Variants in PRSS3 observed in about 807,000 individuals in gnomAD.
The protein encoded by PRSS3 is trypsin-3.
PRSS3 carries 14 observed loss-of-function variants against 20.8 expected under a neutral mutation model. That is an observed-to-expected ratio of 0.67 (90% CI 0.44 to 1.05). PRSS3 has a LOEUF of 1.05. Ranked by LOEUF, PRSS3 falls within the 50% of genes least tolerant of loss-of-function variation. PRSS3 has a pLI of 0.00. For missense variants in PRSS3, 237 were observed against 306.4 expected, an observed-to-expected ratio of 0.77 and a Z score of 1.69; for synonymous variants, 91 against 117.6, an observed-to-expected ratio of 0.77 and a Z score of 1.46.
chr9:33,785,583 A>G (rs544249094), intron 1 of PRSS3, among the ~76,000 whole-genome samples: 137 of 152,296 alleles, frequency 9.0e-4, no homozygotes, highest in Non-Finnish European at 1.4e-3. Flanking sequence ...AAGCAAAGAC[A>G]AAAAAATAGT....
At position 33,766,674 on chromosome 9, in the gene PRSS3, C is replaced by T. The variant is rs189273472; in HGVS notation, c.-53+15947C>T. On this transcript the variant is annotated intron_variant, in intron 1 of 5. Transcript: ENST00000342836. ...ACATTATGCTGAGGGAAAGAGGCTG[C>T]ATCTTGTATGATTTAATTTATATAA... is the stretch of plus-strand genomic sequence containing the variant. Among the ~76,000 whole-genome samples the T allele has an allele frequency of 2.5e-4, 38 of 152,002 alleles. No homozygotes were observed. The East Asian group carries it at 6.6e-3, about 26-fold the overall frequency.
chr9:33,762,314 T>C (rs1823242663), intron 1 of PRSS3, among the ~76,000 whole-genome samples: 2 of 152,248 alleles, frequency 1.3e-5, no homozygotes, highest in South Asian at 4.1e-4. Context: ...GCAGTAGCTG[T>C]CAAATTCTAA....
intron 1 of PRSS3, among the ~76,000 whole-genome samples, chr9:33,784,104 C>T (rs10971702): frequency 0.061 from 9,234 of 152,054 alleles, 389 homozygotes; most frequent in Non-Finnish European, 0.091. Context: ...GTTTAGTATC[C>T]ATAACATTCC....
At chr9:33,794,747 T>C (rs1236921178), upstream of PRSS3, 8 of 1,547,212 alleles carry the variant, frequency 5.2e-6, no homozygotes, top group East Asian at 1.5e-4. Context: ...TAAGTGCAGG[T>C]TGCCAGGACA....
At chr9:33,792,627 C>G (rs547185307), upstream of PRSS3, among the ~76,000 whole-genome samples, 7 of 152,396 alleles carry the variant, frequency 4.6e-5, no homozygotes, top group South Asian at 1.4e-3. Context: ...GACCACCATA[C>G]TTACATCCCA....
intron 1 of PRSS3, among the ~76,000 whole-genome samples, chr9:33,765,018 A>T (rs1407013429): frequency 6.6e-6 from 1 of 152,228 alleles, no homozygotes; most frequent in Non-Finnish European, 1.5e-5. Flanking sequence ...ATGTGAAGAA[A>T]CTGGAACTCT....
intron 1 of PRSS3, among the ~76,000 whole-genome samples, chr9:33,790,433 A>G (rs1824581956): frequency 6.6e-6 from 1 of 152,190 alleles, no homozygotes; most frequent in Admixed American, 6.5e-5. Flanking sequence ...TTTAATTTTA[A>G]ATAGCAATTG....
intron 1 of PRSS3, among the ~76,000 whole-genome samples, chr9:33,761,772 A>C (rs1391876986): frequency 6.6e-6 from 1 of 152,122 alleles, no homozygotes; most frequent in Admixed American, 6.5e-5. Flanking sequence ...CCAGCTACTC[A>C]GGAAGCTGAG....
intron 1 of PRSS3, among the ~76,000 whole-genome samples, chr9:33,778,793 G>A (rs1013406848): frequency 6.6e-6 from 1 of 152,148 alleles, no homozygotes; most frequent in African/African-American, 2.4e-5. Flanking sequence ...GATTGGAGGT[G>A]ATTCCCCACA....
In PRSS3 at chr9:33,770,921, G is replaced by A. The variant is rs373986804; in HGVS notation, c.-53+20194G>A. Among the ~76,000 whole-genome samples, 77 of 152,256 alleles carry A rather than the reference G, an allele frequency of 5.1e-4. 3 individuals carry two copies. The South Asian group carries it at 0.016, about 32-fold the overall frequency. ...AACATGGAGAAACCTGGGAAATATCGTGCCAACAGAAAGGGCCAGTCACAA... is the reference window on the plus strand; with the variant it reads ...AACATGGAGAAACCTGGGAAATATCATGCCAACAGAAAGGGCCAGTCACAA... On this transcript the variant is annotated intron_variant, in intron 1 of 5. Coordinates refer to the PRSS3 transcript ENST00000342836.
intron 1 of PRSS3, among the ~76,000 whole-genome samples, chr9:33,774,061 T>C (rs991128720): frequency 1.3e-5 from 2 of 152,386 alleles, no homozygotes; most frequent in Non-Finnish European, 2.9e-5. Context: ...TATTTTTTTA[T>C]TTAACATTTA....
chr9:33,798,656 C>T (rs1287471644), intron 4 of PRSS3, 34 bp downstream of exon 4: 1 of 1,613,756 alleles, frequency 6.2e-7, no homozygotes, highest in Non-Finnish European at 8.5e-7. Flanking sequence ...GAGGCTCCCA[C>T]CGATACCCAG....
At chr9:33,796,351 C>T (rs532731816) in intron 1 of PRSS3, among the ~76,000 whole-genome samples, 10 of 152,200 alleles carry the variant, frequency 6.6e-5, no homozygotes, top group Non-Finnish European at 1.2e-4. Context: ...GAGACAACAA[C>T]ATACCAACTG....
At chr9:33,778,427 G>A (rs528028932) in intron 1 of PRSS3, among the ~76,000 whole-genome samples, 125 of 152,116 alleles carry the variant, frequency 8.2e-4, no homozygotes, top group African/African-American at 2.9e-3. Flanking sequence ...TTTCAGAGAT[G>A]AAAGGACTAC....
At chr9:33,798,728 T>C in intron 4 of PRSS3, 106 bp downstream of exon 4, 1 of 1,529,366 alleles carries the variant, frequency 6.5e-7, no homozygotes, top group Non-Finnish European at 8.9e-7. Context: ...CTCCCTGCAG[T>C]GCTCCCATGG....
chr9:33,763,425 C>T (rs1231285271), intron 1 of PRSS3, among the ~76,000 whole-genome samples: 10 of 152,312 alleles, frequency 6.6e-5, no homozygotes, highest in East Asian at 1.9e-4. Flanking sequence ...GGAGGCCGGG[C>T]GTGGTGGCTC....
At chr9:33,759,186 C>T (rs1307045960) in intron 1 of PRSS3, among the ~76,000 whole-genome samples, 1 of 151,988 alleles carries the variant, frequency 6.6e-6, no homozygotes, top group Non-Finnish European at 1.5e-5. Flanking sequence ...GGAGGTGACG[C>T]TGGAGAGGAG....
intron 1 of PRSS3, among the ~76,000 whole-genome samples, chr9:33,778,070 CATCTT>C (rs1824020966): frequency 3.3e-5 from 5 of 151,998 alleles, no homozygotes; most frequent in Admixed American, 1.3e-4. Context: ...CAATGTAACT[CATCTT>C]ATTAACACAT....
intron 1 of PRSS3, among the ~76,000 whole-genome samples, chr9:33,764,963 A>G (rs1047230037): frequency 6.6e-6 from 1 of 152,218 alleles, no homozygotes; most frequent in Non-Finnish European, 1.5e-5. Context: ...CTTCATACCC[A>G]CTAGAATGGC....
Sources: gnomAD v4.1 joint callset for allele counts (sites outside exome capture counted in the v4.1 genomes callset) on GRCh38, gnomAD v4.1.1 for gene constraint, MANE v1.5 for transcripts, NCBI Gene and HGNC (gene_info 2026-07-23, HGNC 2026-07-21) for gene names.